MTRES1: variants seen among roughly 807,000 people sequenced by gnomAD.
MTRES1 encodes uncharacterized protein C6orf203.
A neutral mutation model predicts 17.4 loss-of-function variants in MTRES1; 11 were observed. That is an observed-to-expected ratio of 0.63 (90% CI 0.40 to 1.05). The LOEUF is 1.05. Among genes scored for constraint, MTRES1 ranks in the 50% least tolerant of loss-of-function variants. The pLI, the probability that MTRES1 is intolerant of heterozygous loss-of-function variation, is 0.00. For missense variants in MTRES1, 268 were observed against 276.2 expected (o/e 0.97, Z 0.21); for synonymous variants, 94 against 99.6 (o/e 0.94, Z 0.34).
chr6:107,041,935 C>T (rs782131198), intron 2 of MTRES1, among the ~76,000 whole-genome samples: 3 of 152,110 alleles, frequency 2.0e-5, no homozygotes, highest in African/African-American at 4.8e-5. Context: ...ATATTGTATA[C>T]AATGTAAGAA....
At chr6:107,042,184 C>CA (rs1774240621) in intron 2 of MTRES1, among the ~76,000 whole-genome samples, 1 of 151,494 alleles carries the variant, frequency 6.6e-6, no homozygotes, top group African/African-American at 2.4e-5. Flanking sequence ...ACTAAAAATA[C>CA]AAAAAATTGG....
intron 1 of MTRES1, among the ~76,000 whole-genome samples, chr6:107,035,051 G>T (rs1409120555): frequency 6.6e-6 from 1 of 152,018 alleles, no homozygotes; most frequent in Non-Finnish European, 1.5e-5. Context: ...GCCACTTAGC[G>T]TATTCTTAAA....
At chr6:107,035,355 C>T (rs1214481353) in intron 1 of MTRES1, among the ~76,000 whole-genome samples, 1 of 152,000 alleles carries the variant, frequency 6.6e-6, no homozygotes, top group Admixed American at 6.6e-5. Context: ...TCTCAAACTC[C>T]CAAACTCAGG....
At chr6:107,029,292 A>G (rs1554226115) in intron 1 of MTRES1, among the ~76,000 whole-genome samples, 2 of 150,944 alleles carry the variant, frequency 1.3e-5, no homozygotes, top group African/African-American at 4.9e-5. Flanking sequence ...GGTTCACGCC[A>G]TTCTCCCGCC....
chr6:107,039,691 T>A, intron 1 of MTRES1, 58 bp from the exon 2 acceptor site: 2 of 1,520,890 alleles, frequency 1.3e-6, no homozygotes, highest in Non-Finnish European at 8.8e-7. Flanking sequence ...TGGTTTATGT[T>A]GTAATAATGT....
At chr6:107,048,516 TCACA>T (rs1774470513) in intron 3 of MTRES1, among the ~76,000 whole-genome samples, 1 of 150,622 alleles carries the variant, frequency 6.6e-6, no homozygotes, top group Non-Finnish European at 1.5e-5. Flanking sequence ...GCGCGGTGGC[TCACA>T]CTTGTAATCC....
intron 2 of MTRES1, among the ~76,000 whole-genome samples, chr6:107,044,018 A>T (rs1265480516): frequency 1.3e-5 from 2 of 152,164 alleles, no homozygotes; most frequent in Non-Finnish European, 2.9e-5. Flanking sequence ...AGCTACTGGG[A>T]GGCTGAGGCA....
At chr6:107,043,059 CG>C (rs1774270815) in intron 2 of MTRES1, among the ~76,000 whole-genome samples, 1 of 150,812 alleles carries the variant, frequency 6.6e-6, no homozygotes, top group Non-Finnish European at 1.5e-5. Context: ...GGGCCGGGTG[CG>C]GTGGCTCACG....
chr6:107,034,663 T>C (rs1471376466), intron 1 of MTRES1, among the ~76,000 whole-genome samples: 4 of 152,174 alleles, frequency 2.6e-5, no homozygotes, highest in African/African-American at 9.7e-5. Context: ...GAGCAATGCC[T>C]GGCCCACGGT....
intron 1 of MTRES1, among the ~76,000 whole-genome samples, chr6:107,036,585 T>G (rs1425221449): frequency 2.0e-5 from 3 of 151,952 alleles, no homozygotes; most frequent in Non-Finnish European, 4.4e-5. Context: ...GACTCACGCC[T>G]CTAATCCCAG....
chr6:107,043,552 C>G (rs912142333), intron 2 of MTRES1, among the ~76,000 whole-genome samples: 1 of 151,562 alleles, frequency 6.6e-6, no homozygotes, highest in Non-Finnish European at 1.5e-5. Flanking sequence ...TACACAGTTA[C>G]AATAAAGTAA....
At position 107,039,939 on chromosome 6, in the gene MTRES1, A is replaced by G. The variant is rs148386621; in HGVS notation, c.179A>G (p.Tyr60Cys). 307 of 1,613,858 alleles carry G rather than the reference A, an allele frequency of 1.9e-4. No homozygotes were observed. The highest frequency in any genetic ancestry group is 7.4e-4 in the South Asian group (67 of 91,062). ...LRAPNYKTLF[Y>C]NIFSLRLPGL... ...GCACCAAATTATAAAACACTTTTTT[A>G]TAATATTTTCTCACTGAGACTCCCA... Residue 60 changes from tyrosine to cysteine, a missense_variant, in exon 2 of 4, where the codon TAT becomes TGT. Tyr to Cys is a radical substitution (Grantham distance 194, BLOSUM62 -2). Transcript: ENST00000311381.
intron 3 of MTRES1, among the ~76,000 whole-genome samples, chr6:107,044,909 C>A (rs1490887675): frequency 6.6e-6 from 1 of 152,146 alleles, no homozygotes; most frequent in African/African-American, 2.4e-5. Context: ...TATAAAAATT[C>A]TGGGGCACAG....
chr6:107,039,287 T>C (rs990865557), intron 1 of MTRES1, among the ~76,000 whole-genome samples: 1 of 151,952 alleles, frequency 6.6e-6, no homozygotes, highest in Non-Finnish European at 1.5e-5. Flanking sequence ...TACATGCAGA[T>C]TGATATGACC....
intron 3 of MTRES1, among the ~76,000 whole-genome samples, chr6:107,045,433 G>A (rs1384313316): frequency 1.3e-5 from 2 of 150,672 alleles, no homozygotes; most frequent in South Asian, 2.1e-4. Flanking sequence ...GCAGTGAGCC[G>A]AGATCGTGCC....
intron 2 of MTRES1, among the ~76,000 whole-genome samples, chr6:107,042,325 G>A (rs1774246165): frequency 2.6e-5 from 3 of 115,600 alleles, no homozygotes; most frequent in African/African-American, 1.1e-4. Context: ...GGGCAACAAA[G>A]TGGGACTCCG....
At chr6:107,048,800 A>G (rs536397259) in intron 3 of MTRES1, among the ~76,000 whole-genome samples, 135 of 151,742 alleles carry the variant, frequency 8.9e-4, no homozygotes, top group East Asian at 5.1e-3. Context: ...AAAAAGAAAA[A>G]AAAAATTGAA....
intron 2 of MTRES1, among the ~76,000 whole-genome samples, chr6:107,042,530 CAG>C (rs1385669007): frequency 6.6e-6 from 1 of 151,602 alleles, no homozygotes; most frequent in Admixed American, 6.6e-5. Context: ...CACCTGGAAT[CAG>C]ATATCAAAAA....
rs1562280344 is a variant in MTRES1, at chr6:107,039,989, A to AT, written c.234dup (p.Pro79SerfsTer9). 1 of 1,613,806 alleles carries AT rather than the reference A, an allele frequency of 6.2e-7. No homozygotes were observed. ...AGGGCTTTTACTATCTCCAGAATGT[A>AT]TTTTTCCTTTTTCCGTAAGACTCAA... On this transcript the variant is annotated frameshift_variant, in exon 2 of 4. Coordinates refer to ENST00000311381, the MANE Select transcript of MTRES1 (RefSeq NM_016487.5). LOFTEE classifies it high-confidence loss of function.
Sources: gnomAD v4.1 joint callset for allele counts (sites outside exome capture counted in the v4.1 genomes callset) on GRCh38, gnomAD v4.1.1 for gene constraint, MANE v1.5 for transcripts, NCBI Gene and HGNC (gene_info 2026-07-23, HGNC 2026-07-21) for gene names.